Variants in PARK7 observed in about 807,000 individuals in gnomAD.
PARK7 encodes Parkinson disease protein 7.
Under a neutral mutation model 20.5 loss-of-function variants are expected in PARK7, and 14 were observed. The ratio of observed to expected loss-of-function variants is 0.68; its 90% CI spans 0.45 to 1.07. PARK7 has a LOEUF of 1.07. PARK7 is among the 50% of genes least tolerant of loss of function. PARK7 has a pLI of 0.00. For synonymous variants in PARK7, 98 were observed against 84.3 expected (o/e 1.16, Z -0.89); for missense variants, 234 against 238.1 (o/e 0.98, Z 0.11).
intron 5 of PARK7, among the ~76,000 whole-genome samples, chr1:7,973,459 G>A (rs143309807): frequency 1.8e-3 from 278 of 152,326 alleles, no homozygotes; most frequent in African/African-American, 6.5e-3. Flanking sequence ...AAAACCACAT[G>A]TCAGTTTGTC....
intron 5 of PARK7, among the ~76,000 whole-genome samples, chr1:7,972,874 A>T (rs751577477): frequency 1.3e-5 from 2 of 152,156 alleles, no homozygotes; most frequent in Admixed American, 1.3e-4. Context: ...CCCCGTCTCT[A>T]CTAAAAATAC....
chr1:7,964,414 C>A (rs1640283166), intron 2 of PARK7, among the ~76,000 whole-genome samples: 1 of 152,188 alleles, frequency 6.6e-6, no homozygotes, highest in Non-Finnish European at 1.5e-5. Flanking sequence ...ACCCTATACT[C>A]CTCTGGTTCT....
intron 5 of PARK7, among the ~76,000 whole-genome samples, chr1:7,974,674 C>T (rs911653788): frequency 2.6e-5 from 4 of 151,564 alleles, no homozygotes; most frequent in Non-Finnish European, 5.9e-5. Flanking sequence ...AGAAAACACA[C>T]TAGCAGTGTG....
At chr1:7,968,990 C>A in intron 3 of PARK7, 1 of 202,896 alleles carries the variant, frequency 4.9e-6, no homozygotes, top group Non-Finnish European at 1.0e-5. Flanking sequence ...CTGTGACTAC[C>A]TGTATACAGA....
At chr1:7,971,710 A>T (rs1640469401) in intron 5 of PARK7, 1 of 152,430 alleles carries the variant, frequency 6.6e-6, no homozygotes, top group Non-Finnish European at 1.5e-5. Flanking sequence ...AGGCGGGCAG[A>T]TCACCTGAGG....
Position 7,977,642 on chromosome 1 carries a change from T to A in PARK7, c.323-10T>A, listed in dbSNP as rs201706306. 7.1e-5 allele frequency: 114 copies of A among 1,611,730 alleles called. 1 individual carries two copies. The African/African-American group carries it at 1.3e-3, about 19-fold the overall frequency. ...TATCTGCACTTAGATCTTTTTATTT[T>A]TATTCTTAGGTCCTACTGCTCTGTT... On this transcript the variant is annotated splice_polypyrimidine_tract_variant and intron_variant, in intron 5 of 6. Coordinates refer to ENST00000338639, the MANE Select transcript of PARK7 (RefSeq NM_007262.5).
At chr1:7,962,639 T>TTTC (rs1640231826) in intron 1 of PARK7, 124 bp from the exon 2 acceptor site, 3 of 646,828 alleles carry the variant, frequency 4.6e-6, no homozygotes, top group African/African-American at 1.8e-5. Context: ...TTCAGTTGTC[T>TTTC]ATGAAAACCG....
At chr1:7,981,965 C>A (rs1239125943) in intron 6 of PARK7, among the ~76,000 whole-genome samples, 1 of 84,370 alleles carries the variant, frequency 1.2e-5, no homozygotes, top group Non-Finnish European at 2.2e-5. Context: ...GCCCCCCCGC[C>A]TTTTTTTTTT....
Position 7,962,798 on chromosome 1 carries a change from A to G in PARK7, c.13A>G (p.Arg5Gly), listed in dbSNP as rs1640236965. The change falls in exon 2 of 7, where the codon AGA becomes GGA. Residue 5 changes from arginine (R) to glycine (G), a missense_variant. Transcript: ENST00000338639. MASK[R>G]ALVILAKGAE... ...ATATAACATAAAAATGGCTTCCAAA[A>G]GAGCTCTGGTCATCCTGGCTAAAGG... The G allele has an allele frequency of 6.2e-7, 1 of 1,612,812 alleles. No individual in the cohort carries two copies. The highest frequency in any genetic ancestry group is 8.5e-7 in the Non-Finnish European group (1 of 1,179,516).
intron 5 of PARK7, among the ~76,000 whole-genome samples, chr1:7,977,410 A>G (rs796606785): frequency 6.6e-6 from 1 of 152,206 alleles, no homozygotes; most frequent in Admixed American, 6.5e-5. Context: ...TCGTAGCTGT[A>G]TGTTTGGTAA....
At chr1:7,968,452 G>A (rs1406200901) in intron 3 of PARK7, among the ~76,000 whole-genome samples, 3 of 151,864 alleles carry the variant, frequency 2.0e-5, no homozygotes, top group East Asian at 1.9e-4. Flanking sequence ...TTCTCCCCCC[G>A]TTACATTTTT....
intron 3 of PARK7, 168 bp from the exon 4 acceptor site, chr1:7,969,177 A>C: frequency 1.7e-6 from 1 of 604,168 alleles, no homozygotes; most frequent in Non-Finnish European, 2.9e-6. Context: ...TAGTTAAAAC[A>C]CCATTCCGTC....
Position 7,962,872 on chromosome 1 carries a change from T to A in PARK7, c.87T>A (p.Ala29=). 1 of 1,612,728 alleles carries A rather than the reference T, an allele frequency of 6.2e-7. No individual in the cohort carries two copies. The highest frequency in any genetic ancestry group is 8.5e-7 in the Non-Finnish European group (1 of 1,178,860). The change falls in exon 2 of 7, where the codon GCT becomes GCA. Residue 29 remains alanine, a synonymous_variant. Transcript: ENST00000338639. The part of the protein sequence containing the change: ...TVIPVDVMRR[A]GIKVTVAGLA... ...TCCCTGTAGATGTCATGAGGCGAGCTGGGGTAAGTCCCACATCGATTTTTA... is the reference window on the plus strand; with the variant it reads ...TCCCTGTAGATGTCATGAGGCGAGCAGGGGTAAGTCCCACATCGATTTTTA...
At position 7,984,071 on chromosome 1, in the gene PARK7, G is replaced by T. The variant is rs1261497927; in HGVS notation, c.410-823G>T. 6.6e-6 allele frequency among the ~76,000 whole-genome samples: 1 copy of T among 152,154 alleles called. No individual in the cohort carries two copies. The highest frequency in any genetic ancestry group is 1.5e-5 in the Non-Finnish European group (1 of 68,026). ...CAGATACCCTCTCTGAGGGGTTTTT[G>T]TTGATGCTGAAACTGAAGGAGCAAG... On this transcript the variant is annotated intron_variant, in intron 6 of 6. Transcript: ENST00000338639. The surrounding 1 kb of genome is among the most constrained non-coding windows in gnomAD (Gnocchi z 4.3).
intron 1 of PARK7, among the ~76,000 whole-genome samples, chr1:7,962,469 A>G (rs1361185185): frequency 6.6e-6 from 1 of 152,178 alleles, no homozygotes; most frequent in Non-Finnish European, 1.5e-5. Flanking sequence ...TAAAAAACCC[A>G]TTTGCAACAT....
At chr1:7,969,536 A>G (rs908726219) in intron 4 of PARK7, 132 bp downstream of exon 4, 10 of 745,992 alleles carry the variant, frequency 1.3e-5, no homozygotes, top group Non-Finnish European at 2.2e-5. Flanking sequence ...TGAAAAAAAA[A>G]TAGAAACAAC....
chr1:7,980,620 C>T (rs1346520552), intron 6 of PARK7, among the ~76,000 whole-genome samples: 2 of 152,160 alleles, frequency 1.3e-5, no homozygotes, highest in African/African-American at 4.8e-5. Flanking sequence ...CCCTCCCCTG[C>T]TCTGTGGTAG....
At position 7,963,457 on chromosome 1, in the gene PARK7, C is replaced by T. The variant is rs1204678252; in HGVS notation, c.90+582C>T. On this transcript the variant is annotated intron_variant, in intron 2 of 6. Coordinates refer to ENST00000338639, the MANE Select transcript of PARK7 (RefSeq NM_007262.5). ...GGAACGCAGTGGTGTGATCTCTGCT[C>T]GCTGCAACCTCTGCCTCCCGGGTTC... Among the ~76,000 whole-genome samples the T allele has an allele frequency of 3.3e-5, 5 of 150,196 alleles. No homozygotes were observed. In the South Asian group the frequency reaches 8.4e-4, roughly 25 times the overall value.
intron 5 of PARK7, among the ~76,000 whole-genome samples, chr1:7,974,554 G>A (rs1458947248): frequency 5.3e-5 from 8 of 151,960 alleles, no homozygotes; most frequent in South Asian, 2.1e-4. Flanking sequence ...GTGTGAACCT[G>A]GGGGGCAGAG....
Sources: gnomAD v4.1 joint callset for allele counts (sites outside exome capture counted in the v4.1 genomes callset) on GRCh38, gnomAD v4.1.1 for gene constraint, Gnocchi (gnomAD v3.1) non-coding constraint, MANE v1.5 for transcripts, NCBI Gene and HGNC (gene_info 2026-07-23, HGNC 2026-07-21) for gene names.